PRSS55: variants seen among roughly 807,000 people sequenced by gnomAD.
The protein encoded by PRSS55 is probable serine protease UNQ9391/PRO34284.
PRSS55 carries 41 observed loss-of-function variants against 23.6 expected under a neutral mutation model. The observed-to-expected ratio is 1.74, with a 90% confidence interval of 1.35 to 2.26. The LOEUF is 2.26. Among genes scored for constraint, PRSS55 ranks in the 30% most tolerant of loss-of-function variants. The pLI is 0.00. For synonymous variants in PRSS55, 262 were observed against 175.5 expected (o/e 1.49, Z -3.90); for missense variants, 669 against 439.1 (o/e 1.52, Z -4.68).
chr8:10,531,374 A>C lies in PRSS55; in HGVS notation c.427A>C (p.Ile143Leu), dbSNP rs1812254500. 15 of 1,614,244 alleles carry C rather than the reference A, an allele frequency of 9.3e-6. No individual in the cohort carries two copies. The highest frequency in any genetic ancestry group is 1.3e-5 in the Non-Finnish European group (15 of 1,180,046). Residue 143 changes from isoleucine (I) to leucine (L), a missense_variant, in exon 3 of 5, where the codon ATT (isoleucine) becomes CTT (leucine). By Grantham distance (5) the Ile-to-Leu change is conservative (BLOSUM62 2). Coordinates refer to ENST00000328655, the MANE Select transcript of PRSS55 (RefSeq NM_198464.4). The stretch of plus-strand genomic sequence containing the variant: ...GGAAATAAAGGAGGTCGCCAGCATC[A>C]TTCTTCACAAAGACTTTAAGAGAGC... ...SMEIKEVASI[I>L]LHKDFKRANM... is the part of the protein sequence containing the mutation.
intron 4 of PRSS55, among the ~76,000 whole-genome samples, chr8:10,551,967 T>A (rs1812961700): frequency 6.6e-6 from 1 of 152,266 alleles, no homozygotes; most frequent in Non-Finnish European, 1.5e-5. Context: ...ATTGCCCGTT[T>A]GGCTAATAGC....
At chr8:10,552,813 A>C (rs28723493) in intron 4 of PRSS55, among the ~76,000 whole-genome samples, 1 of 152,066 alleles carries the variant, frequency 6.6e-6, no homozygotes, top group Non-Finnish European at 1.5e-5. Context: ...TTTGTACTCC[A>C]TTGGTAGGAA....
intron 4 of PRSS55, among the ~76,000 whole-genome samples, chr8:10,545,351 T>C (rs1315948422): frequency 6.6e-6 from 1 of 152,086 alleles, no homozygotes. Flanking sequence ...GTGTGCACCA[T>C]CATGCCTGGC....
intron 4 of PRSS55, among the ~76,000 whole-genome samples, chr8:10,546,487 C>T (rs149376651): frequency 1.3e-5 from 2 of 152,288 alleles, no homozygotes; most frequent in African/African-American, 2.4e-5. Flanking sequence ...AATGCCTCTG[C>T]AGTAACAAGG....
At chr8:10,535,096 G>A (rs962912470) in intron 4 of PRSS55, among the ~76,000 whole-genome samples, 6 of 152,198 alleles carry the variant, frequency 3.9e-5, no homozygotes, top group Non-Finnish European at 8.8e-5. Flanking sequence ...GACATTCCAT[G>A]CTCATGGATA....
rs1387625067 is a variant in PRSS55, at chr8:10,531,565, C to G, written c.598+20C>G. ...ATGCTGGTATGTGACTGCTCAGCTT[C>G]CCCTGGGGAAAAAGCCACTGCAATG... On this transcript the variant is annotated intron_variant, in intron 3 of 4. Coordinates refer to ENST00000328655, the MANE Select transcript of PRSS55 (RefSeq NM_198464.4). The G allele has an allele frequency of 2.5e-6, 4 of 1,610,472 alleles. No individual in the cohort carries two copies. The highest frequency in any genetic ancestry group is 2.5e-6 in the Non-Finnish European group (3 of 1,178,788).
chr8:10,537,154 A>G (rs1402317226), intron 4 of PRSS55, among the ~76,000 whole-genome samples: 1 of 152,258 alleles, frequency 6.6e-6, no homozygotes, highest in South Asian at 2.1e-4. Flanking sequence ...GGAAATCAGT[A>G]TATCGAAGAG....
At chr8:10,531,186 A>T in intron 2 of PRSS55, 109 bp from the exon 3 acceptor site, 4 of 1,360,914 alleles carry the variant, frequency 2.9e-6, no homozygotes, top group African/African-American at 1.4e-5. Flanking sequence ...AGTAGGGTTT[A>T]AAGGTCCTAG....
chr8:10,546,427 A>G (rs751611439), intron 4 of PRSS55, among the ~76,000 whole-genome samples: 4 of 152,152 alleles, frequency 2.6e-5, no homozygotes, highest in Non-Finnish European at 5.9e-5. Context: ...AACAGGATCA[A>G]GTCCCCTTGA....
exon 5 of PRSS55, chr8:10,554,085 T>G: frequency 8.3e-7 from 1 of 1,198,902 alleles, no homozygotes; most frequent in South Asian, 1.5e-5. Flanking sequence ...AAACATACCC[T>G]TGGGCATAGC....
chr8:10,538,281 A>C (rs1585882355), intron 4 of PRSS55, among the ~76,000 whole-genome samples, 195 bp from the exon 5 acceptor site: 1 of 145,982 alleles, frequency 6.9e-6, no homozygotes, highest in African/African-American at 2.6e-5. Context: ...ACAGCACCCC[A>C]CCCCCAACGC....
In PRSS55 at chr8:10,538,656, G is replaced by A. The variant is rs1490369048; in HGVS notation, c.922G>A (p.Ala308Thr). 3.1e-6 allele frequency: 5 copies of A among 1,614,168 alleles called. No homozygotes were observed. The East Asian group carries it at 8.9e-5, about 29-fold the overall frequency. The part of the protein sequence containing the change: ...VTQLEGRPFN[A>T]EKRRTSVKQK... ...CCAGCTAGAGGGCAGGCCCTTCAATGCAGAGAAAAGGAGGACTTCTGTCAA... is the reference window on the plus strand; with the variant it reads ...CCAGCTAGAGGGCAGGCCCTTCAATACAGAGAAAAGGAGGACTTCTGTCAA... The change falls in exon 5 of 5, where the codon GCA becomes ACA. Residue 308 changes from alanine to threonine, a missense_variant. Transcript: ENST00000328655.
intron 1 of PRSS55, among the ~76,000 whole-genome samples, chr8:10,527,237 G>A (rs954807716): frequency 5.3e-5 from 8 of 152,250 alleles, no homozygotes; most frequent in African/African-American, 1.9e-4. Context: ...TGATATGGAT[G>A]TGGCTTACTT....
At chr8:10,543,812 T>A (rs1192925790), downstream of PRSS55, among the ~76,000 whole-genome samples, 1 of 152,150 alleles carries the variant, frequency 6.6e-6, no homozygotes, top group Non-Finnish European at 1.5e-5. Context: ...AAGAGTGTGC[T>A]GTTTAATTTT....
chr8:10,534,345 C>T (rs1465189197), intron 4 of PRSS55, among the ~76,000 whole-genome samples: 1 of 152,196 alleles, frequency 6.6e-6, no homozygotes, highest in Admixed American at 6.5e-5. Context: ...GCACTACACA[C>T]ATCTTGACCA....
intron 4 of PRSS55, among the ~76,000 whole-genome samples, 188 bp from the exon 5 acceptor site, chr8:10,538,288 A>G (rs1414272727): frequency 6.8e-6 from 1 of 147,062 alleles, no homozygotes; most frequent in African/African-American, 2.5e-5. Context: ...CCCACCCCCA[A>G]CGCTCTACAC....
At chr8:10,551,461 G>A (rs1812948779) in intron 4 of PRSS55, among the ~76,000 whole-genome samples, 1 of 152,172 alleles carries the variant, frequency 6.6e-6, no homozygotes, top group Admixed American at 6.5e-5. Flanking sequence ...GGGACGGCAG[G>A]GTAACCGGCA....
At chr8:10,541,789 CA>C (rs1161993158), downstream of PRSS55, among the ~76,000 whole-genome samples, 3 of 152,226 alleles carry the variant, frequency 2.0e-5, no homozygotes. Context: ...GACATGGCCT[CA>C]CTCTGTCGCC....
At position 10,538,759 on chromosome 8, in the gene PRSS55, T is replaced by C. The variant is rs750997870; in HGVS notation, c.1025T>C (p.Leu342Pro). 1.3e-6 allele frequency: 2 copies of C among 1,598,754 alleles called. No homozygotes were observed. The highest frequency in any genetic ancestry group is 1.4e-5 in the African/African-American group (1 of 74,066). ...SPRSWLLLCP[L>P]SHVLFRAILY ...AGATCCTGGCTCCTGCTCTGTCCCC[T>C]GTCCCATGTGTTGTTCAGAGCTATT... Residue 342 changes from leucine (L) to proline (P), a missense_variant, in exon 5 of 5, where the codon CTG (leucine) becomes CCG (proline). Transcript: ENST00000328655.
Sources: gnomAD v4.1 joint callset for allele counts (sites outside exome capture counted in the v4.1 genomes callset) on GRCh38, gnomAD v4.1.1 for gene constraint, MANE v1.5 for transcripts, NCBI Gene and HGNC (gene_info 2026-07-23, HGNC 2026-07-21) for gene names.